The following LINGO2 variants were observed in gnomAD, a reference collection of about 807,000 sequenced individuals.
LINGO2 encodes the protein leucine rich repeat and Ig domain containing 2.
In LINGO2, 14 loss-of-function variants were observed where a neutral mutation model predicts 30.6. The ratio of observed to expected loss-of-function variants is 0.46; its 90% CI spans 0.30 to 0.72. The LOEUF (loss-of-function observed/expected upper bound fraction) is 0.72, where lower values mean the gene tolerates loss of function less well. Ranked by LOEUF, LINGO2 falls within the 30% of genes least tolerant of loss-of-function variation. LINGO2 has a pLI of 0.07. For missense variants in LINGO2, 729 were observed against 751.7 expected (o/e 0.97, Z 0.35); for synonymous variants, 317 against 288.5 (o/e 1.10, Z -1.00).
chr9:28,845,360 A>G, the LINGO2 span, among the ~76,000 whole-genome samples: 11 of 152,066 alleles, frequency 7.2e-5, no homozygotes, highest in Non-Finnish European at 1.5e-4. Context: ...TCTAGCATCC[A>G]TATTTCCTTT....
At chr9:28,738,145 A>C in the LINGO2 span, among the ~76,000 whole-genome samples, 3 of 152,124 alleles carry the variant, frequency 2.0e-5, no homozygotes, top group African/African-American at 7.2e-5. Context: ...ACAAGAACAC[A>C]AGCATTAATT....
intron 1 of LINGO2, among the ~76,000 whole-genome samples, chr9:28,586,024 T>C (rs1480664935): frequency 9.7e-6 from 1 of 103,130 alleles, no homozygotes. Context: ...ACCTGTACAT[T>C]AATTTTGTTT....
the LINGO2 span, among the ~76,000 whole-genome samples, chr9:28,997,345 T>C: frequency 6.6e-6 from 1 of 152,204 alleles, no homozygotes; most frequent in East Asian, 1.9e-4. Context: ...GTTCAACAAA[T>C]ATTACTTTGT....
exon 6 of LINGO2, chr9:27,950,290 G>A: frequency 6.2e-7 from 1 of 1,614,098 alleles, no homozygotes; most frequent in Non-Finnish European, 8.5e-7. Flanking sequence ...AGATTGGACA[G>A]CCCCGTGAAT....
chr9:28,209,864 A>T (rs1178894622), intron 4 of LINGO2, among the ~76,000 whole-genome samples: 1 of 151,748 alleles, frequency 6.6e-6, no homozygotes, highest in African/African-American at 2.4e-5. Context: ...AGATAAGTAA[A>T]CAGATTCATC....
intron 4 of LINGO2, among the ~76,000 whole-genome samples, chr9:28,065,945 T>C (rs1825301000): frequency 6.6e-6 from 1 of 152,028 alleles, no homozygotes; most frequent in Admixed American, 6.6e-5. Context: ...TGGACACACA[T>C]ACACACATGC....
At chr9:28,659,034 T>C (rs967975982) in intron 1 of LINGO2, among the ~76,000 whole-genome samples, 13 of 152,146 alleles carry the variant, frequency 8.5e-5, no homozygotes, top group African/African-American at 2.9e-4. Flanking sequence ...TCTTTGTTAC[T>C]ATTATTGCAA....
chr9:29,188,659 A>G, the LINGO2 span, among the ~76,000 whole-genome samples: 1,056 of 104,324 alleles, frequency 0.01, 5 homozygotes, highest in Middle Eastern at 0.026. Context: ...GCCGGGCAGA[A>G]GCGCCCCTCA....
At chr9:28,789,602 G>C in the LINGO2 span, among the ~76,000 whole-genome samples, 5 of 152,136 alleles carry the variant, frequency 3.3e-5, no homozygotes, top group Non-Finnish European at 7.3e-5. Flanking sequence ...GTCATGAATA[G>C]TGAGGTCTAG....
At chr9:28,640,762 T>C (rs1827535963) in intron 1 of LINGO2, among the ~76,000 whole-genome samples, 1 of 152,084 alleles carries the variant, frequency 6.6e-6, no homozygotes, top group Non-Finnish European at 1.5e-5. Flanking sequence ...TTCTTTGCCA[T>C]GGGTTCGAAC....
intron 4 of LINGO2, among the ~76,000 whole-genome samples, chr9:28,145,402 C>A (rs1460846745): frequency 6.6e-6 from 1 of 152,040 alleles, no homozygotes; most frequent in Non-Finnish European, 1.5e-5. Flanking sequence ...CGGGAAGTAG[C>A]CTATAAAATA....
intron 4 of LINGO2, among the ~76,000 whole-genome samples, chr9:28,142,972 T>C (rs1408392149): frequency 6.6e-6 from 1 of 152,162 alleles, no homozygotes; most frequent in Non-Finnish European, 1.5e-5. Context: ...GTTTTGTTAT[T>C]GAAAAGTCTA....
At chr9:28,286,139 A>G (rs1823499984) in intron 4 of LINGO2, among the ~76,000 whole-genome samples, 2 of 152,210 alleles carry the variant, frequency 1.3e-5, no homozygotes, top group Admixed American at 1.3e-4. Flanking sequence ...CTATTACTAA[A>G]TAACGGCACT....
intron 5 of LINGO2, among the ~76,000 whole-genome samples, chr9:27,983,513 T>G (rs769018401): frequency 3.3e-5 from 5 of 151,860 alleles, no homozygotes; most frequent in Non-Finnish European, 7.4e-5. Flanking sequence ...GTACCAGAGA[T>G]GCAAAAGCAT....
the LINGO2 span, among the ~76,000 whole-genome samples, chr9:28,750,312 T>C: frequency 1.3e-5 from 2 of 152,144 alleles, no homozygotes; most frequent in Non-Finnish European, 2.9e-5. Context: ...TCTGCAGATG[T>C]AGGAATCATG....
At chr9:28,910,700 G>C in the LINGO2 span, among the ~76,000 whole-genome samples, 3 of 151,986 alleles carry the variant, frequency 2.0e-5, no homozygotes, top group African/African-American at 7.2e-5. Flanking sequence ...TAAGTTTCTT[G>C]AGGCCTCCCC....
chr9:28,027,025 T>C (rs1823411567), intron 4 of LINGO2, among the ~76,000 whole-genome samples: 3 of 152,158 alleles, frequency 2.0e-5, no homozygotes, highest in South Asian at 4.1e-4. Flanking sequence ...GCCAGCTGTA[T>C]AGGGGCAAGC....
At chr9:28,849,494 C>T in the LINGO2 span, among the ~76,000 whole-genome samples, 1 of 151,990 alleles carries the variant, frequency 6.6e-6, no homozygotes, top group African/African-American at 2.4e-5. Flanking sequence ...AGACTAAAAA[C>T]TTTGCTGTAA....
chr9:28,073,874 T>G (rs773089164), intron 4 of LINGO2, among the ~76,000 whole-genome samples: 46 of 152,162 alleles, frequency 3.0e-4, no homozygotes, highest in Non-Finnish European at 6.0e-4. Context: ...ACAATTTACT[T>G]GTTTTAAAGA....
Sources: allele counts gnomAD v4.1 joint callset (sites outside exome capture counted in the v4.1 genomes callset), GRCh38; gene constraint gnomAD v4.1.1; transcripts MANE v1.5; gene names NCBI Gene and HGNC (gene_info 2026-07-23, HGNC 2026-07-21).